DAB1: variants seen among roughly 807,000 people sequenced by gnomAD.
DAB1 encodes the protein DAB adaptor protein 1.
In DAB1, 15 loss-of-function variants were observed where a neutral mutation model predicts 64.6. The ratio of observed to expected loss-of-function variants is 0.23; its 90% CI spans 0.16 to 0.36. The LOEUF (loss-of-function observed/expected upper bound fraction) is 0.36, where lower values mean the gene tolerates loss of function less well. Among genes scored for constraint, DAB1 ranks in the 10% least tolerant of loss-of-function variants. The pLI, the probability that DAB1 is intolerant of heterozygous loss-of-function variation, is 1.00. For missense variants in DAB1, 596 were observed against 706.7 expected (o/e 0.84, Z 1.78); for synonymous variants, 235 against 251.9 (o/e 0.93, Z 0.64).
chr1:57,194,295 G>A (rs1164525249), intron 2 of DAB1, among the ~76,000 whole-genome samples: 1 of 152,156 alleles, frequency 6.6e-6, no homozygotes, highest in African/African-American at 2.4e-5. Flanking sequence ...CCACGCACCT[G>A]AGTTTGGGAC....
At chr1:57,633,112 A>C (rs981068676) in intron 7 of DAB1, among the ~76,000 whole-genome samples, 1 of 152,198 alleles carries the variant, frequency 6.6e-6, no homozygotes, top group Non-Finnish European at 1.5e-5. Context: ...ATATGTCAGG[A>C]TCTGAGCCCC....
At chr1:57,911,615 G>C (rs1304473070) in intron 5 of DAB1, among the ~76,000 whole-genome samples, 1 of 152,126 alleles carries the variant, frequency 6.6e-6, no homozygotes, top group African/African-American at 2.4e-5. Flanking sequence ...AGTCCACTCA[G>C]CATTCTCATC....
chr1:57,694,808 G>C (rs529994900), intron 6 of DAB1, among the ~76,000 whole-genome samples: 1 of 152,028 alleles, frequency 6.6e-6, no homozygotes, highest in East Asian at 1.9e-4. Context: ...TTTTATCTCT[G>C]TCCCACCCAC....
intron 5 of DAB1, among the ~76,000 whole-genome samples, chr1:58,041,358 T>A (rs1220699626): frequency 6.6e-6 from 1 of 152,188 alleles, no homozygotes; most frequent in Non-Finnish European, 1.5e-5. Context: ...GGAAATAGCA[T>A]CTAGAAAAAC....
chr1:58,512,512 G>A (rs149563690), intron 2 of DAB1, among the ~76,000 whole-genome samples: 78 of 152,208 alleles, frequency 5.1e-4, no homozygotes, highest in South Asian at 3.7e-3. Context: ...GTTCATCAGC[G>A]AATGAACAGA....
At chr1:57,626,779 G>T (rs1645928108) in intron 7 of DAB1, among the ~76,000 whole-genome samples, 1 of 152,110 alleles carries the variant, frequency 6.6e-6, no homozygotes, top group African/African-American at 2.4e-5. Flanking sequence ...ATCTCACTGG[G>T]ATTTCTTTCA....
intron 4 of DAB1, among the ~76,000 whole-genome samples, chr1:57,116,631 T>A (rs892791246): frequency 6.6e-6 from 1 of 152,018 alleles, no homozygotes; most frequent in Admixed American, 6.6e-5. Context: ...CAGTTCAGTG[T>A]CTCCCCAACT....
At chr1:57,688,871 T>C (rs1218447866) in intron 6 of DAB1, among the ~76,000 whole-genome samples, 1 of 152,026 alleles carries the variant, frequency 6.6e-6, no homozygotes, top group African/African-American at 2.4e-5. Context: ...CATTGGGTAG[T>C]AGTGGACATA....
At chr1:57,984,916 G>T (rs981058664) in intron 5 of DAB1, among the ~76,000 whole-genome samples, 7 of 149,600 alleles carry the variant, frequency 4.7e-5, no homozygotes, top group Non-Finnish European at 1.0e-4. Context: ...AGTTGTTGTT[G>T]TTTTTTTTTT....
chr1:58,502,229 T>A lies in DAB1; in HGVS notation n.257+3831A>T, dbSNP rs187786904. On this transcript the variant is annotated intron_variant and non_coding_transcript_variant, in intron 3 of 20. Transcript: ENST00000485760. Reference sequence around the variant, plus strand: ...AAAATCAAAATGATCAAAATTTGTGTTCTAATCACAGACCCACAGAATCCT... The same window carrying A: ...AAAATCAAAATGATCAAAATTTGTGATCTAATCACAGACCCACAGAATCCT... Among the ~76,000 whole-genome samples, 249 of 152,324 alleles carry A rather than the reference T, an allele frequency of 1.6e-3. 1 individual carries two copies. The highest frequency in any genetic ancestry group is 5.8e-3 in the African/African-American group (243 of 41,582).
intron 6 of DAB1, among the ~76,000 whole-genome samples, chr1:57,757,210 T>TC (rs1648854978): frequency 7.1e-6 from 1 of 141,612 alleles, no homozygotes; most frequent in Non-Finnish European, 1.6e-5. Flanking sequence ...TTTTTTTTTT[T>TC]TTTTTTTTTT....
chr1:57,340,956 C>G (rs1200201794), intron 1 of DAB1, among the ~76,000 whole-genome samples: 1 of 152,146 alleles, frequency 6.6e-6, no homozygotes. Context: ...AAGGAAGGCT[C>G]AAGAGAGCTA....
intron 3 of DAB1, among the ~76,000 whole-genome samples, chr1:58,503,121 A>C (rs1296542576): frequency 1.3e-5 from 2 of 152,236 alleles, no homozygotes; most frequent in African/African-American, 4.8e-5. Context: ...TTCACATGAA[A>C]AGTTGGCTAA....
At chr1:57,904,354 G>T (rs78085220) in intron 5 of DAB1, among the ~76,000 whole-genome samples, 6,912 of 152,120 alleles carry the variant, frequency 0.045, 541 homozygotes, top group African/African-American at 0.16. Flanking sequence ...TTGCTCGAGG[G>T]TCTTTCATTC....
At chr1:57,553,676 T>C (rs1372198940) in intron 7 of DAB1, among the ~76,000 whole-genome samples, 5 of 150,484 alleles carry the variant, frequency 3.3e-5, no homozygotes, top group Non-Finnish European at 7.4e-5. Flanking sequence ...TTCTCTTAAA[T>C]AGAAAAAATA....
chr1:57,552,826 TG>T (rs779968144), intron 7 of DAB1, among the ~76,000 whole-genome samples: 4 of 152,048 alleles, frequency 2.6e-5, no homozygotes, highest in Non-Finnish European at 4.4e-5. Flanking sequence ...AGAGGCCTGA[TG>T]GGGGAAGAAT....
chr1:57,629,753 A>T (rs910190641), intron 7 of DAB1, among the ~76,000 whole-genome samples: 16 of 147,616 alleles, frequency 1.1e-4, no homozygotes, highest in African/African-American at 4.0e-4. Flanking sequence ...AAAAAAACTG[A>T]ACTGATTTGG....
intron 4 of DAB1, among the ~76,000 whole-genome samples, chr1:58,169,249 G>A (rs900295610): frequency 6.6e-6 from 1 of 152,176 alleles, no homozygotes; most frequent in Non-Finnish European, 1.5e-5. Flanking sequence ...TGATCAGCAG[G>A]GTCCAGGGAC....
chr1:57,351,768 T>C (rs1020869949), intron 1 of DAB1, among the ~76,000 whole-genome samples: 4 of 152,068 alleles, frequency 2.6e-5, no homozygotes, highest in African/African-American at 9.7e-5. Flanking sequence ...AAGGCCATCA[T>C]TGACTTTCAT....
Sources: gnomAD v4.1 joint callset for allele counts (sites outside exome capture counted in the v4.1 genomes callset) on GRCh38, gnomAD v4.1.1 for gene constraint, MANE v1.5 for transcripts, NCBI Gene and HGNC (gene_info 2026-07-23, HGNC 2026-07-21) for gene names.